PLCG2: variants seen among roughly 807,000 people sequenced by gnomAD.
The protein encoded by PLCG2 is 1-phosphatidylinositol 4,5-bisphosphate phosphodiesterase gamma-2.
A neutral mutation model predicts 175.6 loss-of-function variants in PLCG2; 69 were observed. That is an observed-to-expected ratio of 0.39 (90% confidence interval 0.32 to 0.48). The LOEUF (loss-of-function observed/expected upper bound fraction) is 0.48, where lower values mean the gene tolerates loss of function less well. PLCG2 is among the 20% of genes least tolerant of loss of function. The probability of loss-of-function intolerance (pLI) is 0.91; values close to 1 mark genes in which losing one functional copy is unlikely to be tolerated. For synonymous variants in PLCG2, 827 were observed against 624.0 expected (o/e 1.33, Z -4.85); for missense variants, 1,798 against 1,650.9 (o/e 1.09, Z -1.54).
intron 7 of PLCG2, among the ~76,000 whole-genome samples, chr16:81,872,354 A>G (rs931178912): frequency 2.0e-5 from 3 of 152,298 alleles, no homozygotes; most frequent in Non-Finnish European, 2.9e-5. Context: ...CAGAGAATGC[A>G]ATAATCCTCC....
chr16:81,746,292 A>AG (rs978779035), intron 1 of PLCG2, among the ~76,000 whole-genome samples: 8 of 152,206 alleles, frequency 5.3e-5, no homozygotes, highest in Non-Finnish European at 1.0e-4. Context: ...CGCCACTGGC[A>AG]GGGTGCCTTG....
chr16:81,832,966 G>A (rs1043783523), intron 2 of PLCG2, among the ~76,000 whole-genome samples: 2 of 152,220 alleles, frequency 1.3e-5, no homozygotes, highest in African/African-American at 2.4e-5. Context: ...TGCTGCTGGG[G>A]CCATGACAGT....
chr16:81,741,736 G>A (rs992022837), intron 1 of PLCG2, among the ~76,000 whole-genome samples: 15 of 152,102 alleles, frequency 9.9e-5, no homozygotes, highest in Admixed American at 5.9e-4. Flanking sequence ...GCTTGAACCC[G>A]GGAGGCAGAG....
intron 2 of PLCG2, among the ~76,000 whole-genome samples, chr16:81,838,209 C>T (rs1905626299): frequency 6.6e-6 from 1 of 151,944 alleles, no homozygotes; most frequent in Non-Finnish European, 1.5e-5. Context: ...CTCCCAGCTT[C>T]CCAAGCACCT....
In PLCG2 at chr16:81,932,657, C is replaced by G. The variant is rs186434917; in HGVS notation, c.2739+1003C>G. Among the ~76,000 whole-genome samples the G allele has an allele frequency of 5.3e-5, 8 of 152,302 alleles. No individual in the cohort carries two copies. In the South Asian group the frequency reaches 1.7e-3, roughly 32 times the overall value. Reference sequence around the variant, plus strand: ...TCACATCTTGGCCAGTCCCTGGTCACGAGAGGATCCTTGACTCACTCAACT... The same window carrying G: ...TCACATCTTGGCCAGTCCCTGGTCAGGAGAGGATCCTTGACTCACTCAACT... On this transcript the variant is annotated intron_variant, in intron 25 of 32. Transcript: ENST00000564138.
chr16:81,842,256 G>A (rs959157248), intron 2 of PLCG2, among the ~76,000 whole-genome samples: 1 of 152,220 alleles, frequency 6.6e-6, no homozygotes, highest in Non-Finnish European at 1.5e-5. Flanking sequence ...CAGGATGCAT[G>A]TGCTCAGAGA....
intron 8 of PLCG2, among the ~76,000 whole-genome samples, chr16:81,882,749 T>TGCTCACCCCACCTCATTCTG (rs1275326130): frequency 3.3e-5 from 5 of 151,772 alleles, no homozygotes; most frequent in African/African-American, 4.8e-5. Flanking sequence ...ACCTCATTCT[T>TGCTCACCCCACCTCATTCTG]GCTCACCCCA....
intron 13 of PLCG2, 149 bp downstream of exon 13, chr16:81,896,076 C>T (rs1567521327): frequency 1.0e-6 from 1 of 995,772 alleles, no homozygotes. Context: ...CCACTGCCAT[C>T]AAGTTCTCAC....
At chr16:81,815,463 C>T (rs146256355) in intron 2 of PLCG2, among the ~76,000 whole-genome samples, 2 of 152,210 alleles carry the variant, frequency 1.3e-5, no homozygotes, top group African/African-American at 4.8e-5. Context: ...AGAGACCACC[C>T]CCTAGAGGCT....
intron 7 of PLCG2, among the ~76,000 whole-genome samples, chr16:81,878,264 G>A (rs1226194207): frequency 6.6e-6 from 1 of 151,896 alleles, no homozygotes; most frequent in Non-Finnish European, 1.5e-5. Flanking sequence ...GATTACAGGT[G>A]TGAGCCACCG....
chr16:81,834,613 G>T (rs1905419783), intron 2 of PLCG2, among the ~76,000 whole-genome samples: 1 of 152,100 alleles, frequency 6.6e-6, no homozygotes, highest in South Asian at 2.1e-4. Flanking sequence ...TGCTGCTGCT[G>T]TTGGGAGTTT....
intron 24 of PLCG2, among the ~76,000 whole-genome samples, chr16:81,930,074 G>A (rs1415089725): frequency 6.6e-6 from 1 of 152,172 alleles, no homozygotes; most frequent in East Asian, 1.9e-4. Context: ...AAAGCAGGGT[G>A]CCTTTAGTCT....
At chr16:81,937,051 C>A (rs1310574215) in intron 27 of PLCG2, among the ~76,000 whole-genome samples, 4 of 152,198 alleles carry the variant, frequency 2.6e-5, no homozygotes, top group Admixed American at 2.6e-4. Flanking sequence ...GGACAGAATT[C>A]TCAGAAAGGC....
chr16:81,832,406 T>G (rs1362688857), intron 2 of PLCG2, among the ~76,000 whole-genome samples: 2 of 152,236 alleles, frequency 1.3e-5, no homozygotes, highest in Non-Finnish European at 2.9e-5. Flanking sequence ...CTGCCTTTTT[T>G]TGAGACACGA....
chr16:81,950,056 C>A (rs1280134671), intron 31 of PLCG2, among the ~76,000 whole-genome samples: 1 of 151,946 alleles, frequency 6.6e-6, no homozygotes, highest in Non-Finnish European at 1.5e-5. Context: ...TAAACTTGAC[C>A]AAGAGAGTAA....
At position 81,803,034 on chromosome 16, in the gene PLCG2, C is replaced by T. The variant is rs1278348792; in HGVS notation, c.193+16852C>T. On this transcript the variant is annotated intron_variant, in intron 2 of 32. Transcript: ENST00000564138. ...CTACTTTACTTTCCCCCATCCCTGG[C>T]AATGACAAATCTACTTTTTGCCTTT... Among the ~76,000 whole-genome samples the T allele has an allele frequency of 2.0e-5, 3 of 152,096 alleles. 1 individual carries two copies. The highest frequency in any genetic ancestry group is 6.8e-3 in the Middle Eastern group (2 of 294).
intron 1 of PLCG2, among the ~76,000 whole-genome samples, chr16:81,744,659 A>G (rs906222885): frequency 9.9e-5 from 15 of 151,822 alleles, no homozygotes; most frequent in African/African-American, 3.6e-4. Flanking sequence ...TGCAGCCTTG[A>G]CCTCCTGGGC....
chr16:81,869,218 A>G lies in PLCG2; in HGVS notation c.484A>G (p.Ser162Gly). ...CTGGGTCTCCCTCTTTTGCAGCATC[A>G]GTCTCCGAGAGTTGAAGACCATCTT... ...SVDQTRRNSI[S>G]LRELKTILPL... The change falls in exon 6 of 33, where the codon AGT becomes GGT. Residue 162 changes from serine to glycine, a missense_variant. Physicochemically the swap from Ser to Gly is moderately conservative, Grantham distance 56. Transcript: ENST00000564138. 6.2e-7 allele frequency: 1 copy of G among 1,613,220 alleles called. No homozygotes were observed. Among genetic ancestry groups the G allele is most frequent in the Non-Finnish European group, 8.5e-7 (1 of 1,179,128 alleles).
At chr16:81,821,807 G>A (rs750262429) in intron 2 of PLCG2, among the ~76,000 whole-genome samples, 2 of 152,034 alleles carry the variant, frequency 1.3e-5, no homozygotes, top group Non-Finnish European at 2.9e-5. Flanking sequence ...AAAAGAAAAG[G>A]TTTTACTGCA....
Sources: allele counts gnomAD v4.1 joint callset (sites outside exome capture counted in the v4.1 genomes callset), GRCh38; gene constraint gnomAD v4.1.1; transcripts MANE v1.5; gene names NCBI Gene and HGNC (gene_info 2026-07-23, HGNC 2026-07-21).